The following NXPE3 variants were observed in gnomAD, a reference collection of about 807,000 sequenced individuals.
NXPE3 encodes the protein NXPE family member 3.
A neutral mutation model predicts 46.1 loss-of-function variants in NXPE3; 26 were observed. The observed-to-expected ratio is 0.56, with a 90% CI of 0.41 to 0.78. The LOEUF is 0.78. Among genes scored for constraint, NXPE3 ranks in the 30% least tolerant of loss-of-function variants. The pLI, the probability that NXPE3 is intolerant of heterozygous loss-of-function variation, is 0.00. For synonymous variants in NXPE3, 272 were observed against 257.9 expected (o/e 1.05, Z -0.52); for missense variants, 620 against 686.0 (o/e 0.90, Z 1.07).
chr3:101,783,209 C>G (rs1939933565), intron 3 of NXPE3, among the ~76,000 whole-genome samples: 1 of 152,028 alleles, frequency 6.6e-6, no homozygotes, highest in South Asian at 2.1e-4. Flanking sequence ...CTACAGGCAC[C>G]CGCCACCACG....
chr3:101,783,093 G>A (rs181720843), intron 3 of NXPE3, among the ~76,000 whole-genome samples: 9 of 151,842 alleles, frequency 5.9e-5, no homozygotes, highest in African/African-American at 7.2e-5. Context: ...ACGGAGTCTC[G>A]CTCTGTCACC....
rs188452787 is a variant in NXPE3 at position 101,806,508 on chromosome 3, T to C, written c.849-545T>C. Among the ~76,000 whole-genome samples, 507 of 152,196 alleles carry C rather than the reference T, an allele frequency of 3.3e-3. 4 individuals carry two copies. Among genetic ancestry groups the C allele is most frequent in the African/African-American group, 0.012 (492 of 41,514 alleles). ...TATGTTTTATTTTATTTTATTTTTTTCCCCTGCTGCCTCCCTTGAGTAGTA... is the reference window on the plus strand; with the variant it reads ...TATGTTTTATTTTATTTTATTTTTTCCCCCTGCTGCCTCCCTTGAGTAGTA... On this transcript the variant is annotated intron_variant, in intron 5 of 7. Coordinates refer to ENST00000273347, the MANE Select transcript of NXPE3 (RefSeq NM_145037.4).
Position 101,827,421 on chromosome 3 carries a change from AT to A in NXPE3, c.*5470del, listed in dbSNP as rs1390610271. Reference sequence around the variant, plus strand: ...GACCATTGCTTTATTTATGTCACAGATTTCTTGTCCTTTAATTAGTCAGTGA... The same window carrying A: ...GACCATTGCTTTATTTATGTCACAGATTCTTGTCCTTTAATTAGTCAGTGA... On this transcript the variant is annotated 3_prime_UTR_variant, in exon 8 of 8. Coordinates refer to ENST00000273347, the MANE Select transcript of NXPE3 (RefSeq NM_145037.4). 3 of 152,144 alleles carry A rather than the reference AT, an allele frequency of 2.0e-5. No individual in the cohort carries two copies. The highest frequency in any genetic ancestry group is 4.8e-5 in the African/African-American group (2 of 41,432). The allele number at this position is 152,144 out of a possible 1,614,324, so 9.4% of individuals were successfully genotyped here.
chr3:101,808,874 T>G (rs1278268747), intron 6 of NXPE3, among the ~76,000 whole-genome samples: 2 of 116,462 alleles, frequency 1.7e-5, no homozygotes, highest in African/African-American at 6.5e-5. Context: ...TTATCTTTTA[T>G]CTGTTTGGGC....
chr3:101,798,330 T>C (rs1055469938), intron 4 of NXPE3, among the ~76,000 whole-genome samples: 2 of 152,082 alleles, frequency 1.3e-5, no homozygotes, highest in African/African-American at 4.8e-5. Flanking sequence ...TACAAGAGTA[T>C]CCAGCACATA....
At chr3:101,809,803 T>C (rs1332533732) in intron 6 of NXPE3, among the ~76,000 whole-genome samples, 2 of 152,238 alleles carry the variant, frequency 1.3e-5, no homozygotes, top group African/African-American at 4.8e-5. Flanking sequence ...TGCCCTTTTG[T>C]CATCCTGTGT....
At position 101,824,142 on chromosome 3, in the gene NXPE3, T is replaced by C. The variant is rs1942386841; in HGVS notation, c.*2188T>C. On this transcript the variant is annotated 3_prime_UTR_variant, in exon 8 of 8. Coordinates refer to ENST00000273347, the MANE Select transcript of NXPE3 (RefSeq NM_145037.4). ...AAAAAAAGAGGGACCATGATGCCTCTGGGATTTATGAAACCAACCTTTGTG... is the reference window on the plus strand; with the variant it reads ...AAAAAAAGAGGGACCATGATGCCTCCGGGATTTATGAAACCAACCTTTGTG... The C allele has an allele frequency of 6.6e-6, 1 of 151,146 alleles. No individual in the cohort carries two copies. The allele number at this position is 151,146 out of a possible 1,614,324, so 9.4% of individuals were successfully genotyped here. A position where few individuals can be genotyped will look rare whatever the true frequency, so the allele number is the denominator to read the frequency against.
intron 1 of NXPE3, chr3:101,781,811 A>C (rs1315870085): frequency 2.0e-5 from 3 of 152,228 alleles, no homozygotes; most frequent in Admixed American, 6.5e-5. Context: ...AAGAAAAATA[A>C]CATTTGGAGC....
At chr3:101,794,301 A>C (rs1940695817) in intron 4 of NXPE3, among the ~76,000 whole-genome samples, 1 of 152,134 alleles carries the variant, frequency 6.6e-6, no homozygotes, top group Admixed American at 6.5e-5. Flanking sequence ...AAGGAGCATG[A>C]GTATATTGTG....
At chr3:101,804,572 G>A (rs1941319132) in intron 5 of NXPE3, among the ~76,000 whole-genome samples, 3 of 152,150 alleles carry the variant, frequency 2.0e-5, no homozygotes, top group Non-Finnish European at 2.9e-5. Context: ...CATCTGAAAA[G>A]AAAAAGAAAA....
At chr3:101,816,228 T>C (rs918780967) in intron 6 of NXPE3, among the ~76,000 whole-genome samples, 4 of 152,078 alleles carry the variant, frequency 2.6e-5, no homozygotes, top group Non-Finnish European at 5.9e-5. Flanking sequence ...ACCAATACCT[T>C]CATGCCCATT....
In NXPE3 at chr3:101,803,266, A is replaced by G. The variant is rs545383614; in HGVS notation, c.848+1277A>G. ...AAGTATGTGGTTTGTAGGAGCTCCT[A>G]AAATAAAACTCTTCAGTTTTCCACC... On this transcript the variant is annotated intron_variant, in intron 5 of 7. Coordinates refer to ENST00000273347, the MANE Select transcript of NXPE3 (RefSeq NM_145037.4). Among the ~76,000 whole-genome samples, 40 of 152,294 alleles carry G rather than the reference A, an allele frequency of 2.6e-4. No individual in the cohort carries two copies. The East Asian group carries it at 3.5e-3, about 13-fold the overall frequency.
chr3:101,818,711 CAATT>C (rs1409267648), intron 7 of NXPE3, among the ~76,000 whole-genome samples: 27 of 52,186 alleles, frequency 5.2e-4, no homozygotes, highest in African/African-American at 1.8e-3. Flanking sequence ...GAATATATGA[CAATT>C]TATATATATA....
chr3:101,779,502 G>A (rs1342066379), intron 1 of NXPE3, 178 bp downstream of exon 1: 1 of 152,844 alleles, frequency 6.5e-6, no homozygotes, highest in Non-Finnish European at 1.5e-5. Context: ...CGTGGCTGTG[G>A]GCATAGGTGC....
rs1942417436 is a variant in NXPE3, at chr3:101,824,785, G to A, written c.*2831G>A. 6.6e-6 allele frequency: 1 copy of A among 152,158 alleles called. No individual in the cohort carries two copies. The highest frequency in any genetic ancestry group is 1.5e-5 in the Non-Finnish European group (1 of 68,046). The allele number at this position is 152,158 out of a possible 1,614,324, so 9.4% of individuals were successfully genotyped here. ...TGAAAGAACTTGACATTTCCTCAAG[G>A]ATTTATAAAGGAGGCTGAGGAGTAA... is the stretch of plus-strand genomic sequence containing the variant. On this transcript the variant is annotated 3_prime_UTR_variant, in exon 8 of 8. Transcript: ENST00000273347.
intron 6 of NXPE3, among the ~76,000 whole-genome samples, chr3:101,814,109 A>G (rs560316816): frequency 1.8e-4 from 27 of 152,358 alleles, no homozygotes; most frequent in African/African-American, 6.5e-4. Context: ...TATAACACAT[A>G]TTTGACACAG....
At chr3:101,803,461 C>A (rs377417959) in intron 5 of NXPE3, among the ~76,000 whole-genome samples, 3 of 152,210 alleles carry the variant, frequency 2.0e-5, no homozygotes, top group East Asian at 3.9e-4. Flanking sequence ...AATTAAATTT[C>A]ACAACTCCTC....
chr3:101,821,637 G>A lies in NXPE3; in HGVS notation c.1363G>A (p.Val455Met), dbSNP rs747375688. The A allele has an allele frequency of 1.9e-6, 3 of 1,614,216 alleles. No individual in the cohort carries two copies. In the South Asian group the frequency reaches 3.3e-5, roughly 18 times the overall value. The change falls in exon 8 of 8, where the codon GTG (valine) becomes ATG (methionine). Residue 455 changes from valine to methionine, a missense_variant. Coordinates refer to ENST00000273347, the MANE Select transcript of NXPE3 (RefSeq NM_145037.4). Reference protein sequence around the residue: ...WSHFSTFPLEVYIRRLRNIRR... With the variant: ...WSHFSTFPLEMYIRRLRNIRR... ...TCACTTCAGCACCTTCCCTTTGGAA[G>A]TGTACATCCGGCGGCTCAGGAACAT...
chr3:101,808,755 G>C (rs1201084654), intron 6 of NXPE3, among the ~76,000 whole-genome samples: 2 of 140,058 alleles, frequency 1.4e-5, no homozygotes, highest in Non-Finnish European at 3.0e-5. Context: ...AGAATTCCCA[G>C]TCTTTTCCTG....
Sources: gnomAD v4.1 joint callset for allele counts (sites outside exome capture counted in the v4.1 genomes callset) on GRCh38, gnomAD v4.1.1 for gene constraint, MANE v1.5 for transcripts, NCBI Gene and HGNC (gene_info 2026-07-23, HGNC 2026-07-21) for gene names.